THSD7B: variants seen among roughly 807,000 people sequenced by gnomAD.
THSD7B encodes the protein thrombospondin type-1 domain-containing protein 7B.
In THSD7B, 138 loss-of-function variants were observed where a neutral mutation model predicts 213.6. The ratio of observed to expected loss-of-function variants is 0.65; its 90% CI spans 0.56 to 0.74. The LOEUF (loss-of-function observed/expected upper bound fraction) is 0.74. Among genes scored for constraint, THSD7B ranks in the 30% least tolerant of loss-of-function variants. THSD7B has a pLI of 0.00. For missense variants in THSD7B, 1,931 were observed against 1,991.5 expected, an observed-to-expected ratio of 0.97 and a Z score of 0.58; for synonymous variants, 742 against 687.0, an observed-to-expected ratio of 1.08 and a Z score of -1.25.
intron 2 of THSD7B, among the ~76,000 whole-genome samples, chr2:136,964,203 A>G (rs932039264): frequency 1.3e-5 from 2 of 152,192 alleles, no homozygotes; most frequent in Admixed American, 6.5e-5. Context: ...AATCTTCAGC[A>G]GACTCAATTC....
chr2:137,240,816 T>C (rs1164337550), intron 9 of THSD7B, among the ~76,000 whole-genome samples: 2 of 152,216 alleles, frequency 1.3e-5, no homozygotes, highest in Non-Finnish European at 1.5e-5. Context: ...ACATTTTCTT[T>C]GTGTTTGAAA....
At chr2:136,804,148 A>G (rs2104924507) in intron 1 of THSD7B, among the ~76,000 whole-genome samples, 1 of 152,284 alleles carries the variant, frequency 6.6e-6, no homozygotes, top group Admixed American at 6.5e-5. Flanking sequence ...CTCTGAAGGT[A>G]ATGTGGTGCA....
chr2:137,591,201 T>C (rs949930628), intron 17 of THSD7B, among the ~76,000 whole-genome samples: 3 of 151,924 alleles, frequency 2.0e-5, no homozygotes, highest in African/African-American at 7.2e-5. Flanking sequence ...ACTTATTTAA[T>C]CTATTTGGGG....
At chr2:137,132,571 G>A (rs1226413065) in intron 5 of THSD7B, among the ~76,000 whole-genome samples, 1 of 152,082 alleles carries the variant, frequency 6.6e-6, no homozygotes, top group African/African-American at 2.4e-5. Context: ...TCTTTATATA[G>A]ATAAAGGCTA....
At chr2:137,068,361 G>A (rs954006646) in intron 3 of THSD7B, among the ~76,000 whole-genome samples, 1 of 151,962 alleles carries the variant, frequency 6.6e-6, no homozygotes, top group African/African-American at 2.4e-5. Context: ...ACTATGAAAT[G>A]GTTCATATAT....
At chr2:137,412,061 A>G (rs1686669424) in intron 14 of THSD7B, among the ~76,000 whole-genome samples, 189 bp downstream of exon 14, 1 of 152,200 alleles carries the variant, frequency 6.6e-6, no homozygotes, top group African/African-American at 2.4e-5. Context: ...ATTATCTGGA[A>G]TGTGATGGTG....
At chr2:137,293,810 A>G (rs1170629166) in intron 12 of THSD7B, among the ~76,000 whole-genome samples, 1 of 152,130 alleles carries the variant, frequency 6.6e-6, no homozygotes, top group Non-Finnish European at 1.5e-5. Flanking sequence ...CACCTGGACT[A>G]TTAATCTCCA....
At chr2:137,552,366 A>G (rs1339101033) in intron 15 of THSD7B, among the ~76,000 whole-genome samples, 2 of 152,174 alleles carry the variant, frequency 1.3e-5, no homozygotes, top group African/African-American at 4.8e-5. Context: ...AACAAACTAA[A>G]TGGGCAGAGC....
intron 2 of THSD7B, among the ~76,000 whole-genome samples, chr2:136,915,968 A>G (rs1684341858): frequency 1.3e-5 from 2 of 152,234 alleles, no homozygotes; most frequent in Non-Finnish European, 2.9e-5. Flanking sequence ...TGTAAAGATA[A>G]TAACTCATCA....
intron 17 of THSD7B, among the ~76,000 whole-genome samples, chr2:137,598,379 A>T (rs905862965): frequency 6.6e-6 from 1 of 152,222 alleles, no homozygotes; most frequent in Non-Finnish European, 1.5e-5. Context: ...TAGCAAGGAA[A>T]GTAGGTTCTT....
At chr2:137,223,512 G>A (rs888802045) in intron 7 of THSD7B, among the ~76,000 whole-genome samples, 3 of 152,114 alleles carry the variant, frequency 2.0e-5, no homozygotes, top group Admixed American at 6.5e-5. Flanking sequence ...TACTTTAAAT[G>A]GATACCTTCT....
chr2:136,792,496 C>A (rs548243058), intron 1 of THSD7B, among the ~76,000 whole-genome samples: 4 of 152,014 alleles, frequency 2.6e-5, no homozygotes, highest in East Asian at 3.9e-4. Flanking sequence ...CAAGTGTGAA[C>A]CCTGGTGTAA....
chr2:137,315,968 A>T lies in THSD7B; in HGVS notation c.2500+39942A>T, dbSNP rs190991154. On this transcript the variant is annotated intron_variant, in intron 12 of 27. Transcript: ENST00000409968. The stretch of plus-strand genomic sequence containing the variant: ...TGTACAGTTATTTTCAAAATTTTAG[A>T]TATCTTCTCTTCCCTGTGAATTTGT... 7.2e-5 allele frequency among the ~76,000 whole-genome samples: 11 copies of T among 152,228 alleles called. No homozygotes were observed. The East Asian group carries it at 1.2e-3, about 16-fold the overall frequency.
chr2:136,866,292 C>G (rs1434441707), intron 1 of THSD7B, among the ~76,000 whole-genome samples: 1 of 151,836 alleles, frequency 6.6e-6, no homozygotes, highest in Non-Finnish European at 1.5e-5. Flanking sequence ...CTTTCTCAGG[C>G]TTTATTCCCG....
intron 12 of THSD7B, among the ~76,000 whole-genome samples, chr2:137,342,852 T>C (rs959690362): frequency 6.6e-6 from 1 of 151,770 alleles, no homozygotes; most frequent in Non-Finnish European, 1.5e-5. Context: ...TTGCATACGG[T>C]AAACCATCCT....
chr2:137,570,839 A>G (rs1351599028), intron 16 of THSD7B, among the ~76,000 whole-genome samples: 1 of 152,230 alleles, frequency 6.6e-6, no homozygotes, highest in African/African-American at 2.4e-5. Flanking sequence ...CTTAGTATGT[A>G]GCAAGCTATC....
At chr2:137,505,594 C>A (rs984737537) in intron 15 of THSD7B, among the ~76,000 whole-genome samples, 1 of 152,190 alleles carries the variant, frequency 6.6e-6, no homozygotes, top group South Asian at 2.1e-4. Flanking sequence ...ATTCTGCGAA[C>A]GGAGTCCTGG....
chr2:137,450,785 A>G, intron 14 of THSD7B, 60 bp from the exon 15 acceptor site: 1 of 1,250,818 alleles, frequency 8.0e-7, no homozygotes, highest in South Asian at 1.7e-5. Context: ...TGGAAATAGA[A>G]AGTGAATTTG....
rs376095337 is a variant in THSD7B at position 136,947,627 on chromosome 2, C to A, written c.139+65310C>A. On this transcript the variant is annotated intron_variant, in intron 2 of 27. Transcript: ENST00000409968. ...TCTTCCTCTGTCTTGCCCCTGGTCA[C>A]GTCCCTGCAAAAAAGCTCTTCTGTC... Among the ~76,000 whole-genome samples the A allele has an allele frequency of 1.1e-4, 16 of 152,142 alleles. No homozygotes were observed. In the South Asian group the frequency reaches 2.3e-3, roughly 22 times the overall value.
Sources: allele counts gnomAD v4.1 joint callset (sites outside exome capture counted in the v4.1 genomes callset), GRCh38; gene constraint gnomAD v4.1.1; transcripts MANE v1.5; gene names NCBI Gene and HGNC (gene_info 2026-07-23, HGNC 2026-07-21).